Variants in ROBO2 observed in about 807,000 individuals in gnomAD.
ROBO2 encodes roundabout guidance receptor 2, also known as roundabout homolog 2.
ROBO2 carries 53 observed loss-of-function variants against 160.8 expected under a neutral mutation model. That is an observed-to-expected ratio of 0.33 (90% confidence interval 0.26 to 0.41). The LOEUF (loss-of-function observed/expected upper bound fraction) is 0.41. Among genes scored for constraint, ROBO2 ranks in the 10% least tolerant of loss-of-function variants. The pLI, the probability that ROBO2 is intolerant of heterozygous loss-of-function variation, is 1.00. For synonymous variants in ROBO2, 664 were observed against 611.7 expected (o/e 1.09, Z -1.26); for missense variants, 1,577 against 1,722.4 (o/e 0.92, Z 1.49).
At chr3:77,408,356 T>C (rs2076426381) in intron 2 of ROBO2, among the ~76,000 whole-genome samples, 2 of 152,178 alleles carry the variant, frequency 1.3e-5, no homozygotes, top group Non-Finnish European at 1.5e-5. Flanking sequence ...CCTTGTTGTT[T>C]CTCTAAGTTG....
At chr3:76,824,937 G>C (rs531375172) in intron 2 of ROBO2, among the ~76,000 whole-genome samples, 1 of 152,264 alleles carries the variant, frequency 6.6e-6, no homozygotes, top group East Asian at 1.9e-4. Flanking sequence ...GAAGTCACCT[G>C]CTGGTCCCAA....
At chr3:76,549,917 T>C (rs2083318232) in intron 2 of ROBO2, among the ~76,000 whole-genome samples, 1 of 152,210 alleles carries the variant, frequency 6.6e-6, no homozygotes, top group Non-Finnish European at 1.5e-5. Flanking sequence ...CCTCTTACTG[T>C]AAAGATGATT....
At chr3:76,173,212 A>G (rs2073107303) in intron 2 of ROBO2, among the ~76,000 whole-genome samples, 1 of 145,300 alleles carries the variant, frequency 6.9e-6, no homozygotes, top group Non-Finnish European at 1.5e-5. Context: ...GGTAATATAT[A>G]TGTGTGTGAG....
At chr3:76,192,338 C>T (rs1197378061) in intron 2 of ROBO2, among the ~76,000 whole-genome samples, 1 of 151,950 alleles carries the variant, frequency 6.6e-6, no homozygotes, top group African/African-American at 2.4e-5. Flanking sequence ...TCTAAAGTTA[C>T]TATTCCCATC....
intron 2 of ROBO2, among the ~76,000 whole-genome samples, chr3:77,446,134 TTC>T (rs1314399501): frequency 6.6e-6 from 1 of 152,052 alleles, no homozygotes; most frequent in Non-Finnish European, 1.5e-5. Context: ...GTATTGATTT[TTC>T]TCTGTCTCTC....
intron 2 of ROBO2, among the ~76,000 whole-genome samples, chr3:77,135,951 T>C (rs1255645520): frequency 6.6e-6 from 1 of 152,194 alleles, no homozygotes; most frequent in Non-Finnish European, 1.5e-5. Context: ...AAACTTTCCA[T>C]GTAGCATGTT....
chr3:76,382,021 C>T (rs1216143989), intron 2 of ROBO2, among the ~76,000 whole-genome samples: 2 of 151,970 alleles, frequency 1.3e-5, no homozygotes, highest in Non-Finnish European at 2.9e-5. Flanking sequence ...ACTCAGTTGC[C>T]CAGGCTGCAG....
intron 2 of ROBO2, among the ~76,000 whole-genome samples, chr3:76,815,021 T>C (rs764026982): frequency 2.0e-5 from 3 of 152,030 alleles, no homozygotes; most frequent in Non-Finnish European, 4.4e-5. Context: ...GAAACATGAA[T>C]TGTTAGTATA....
intron 1 of ROBO2, among the ~76,000 whole-genome samples, chr3:75,913,715 A>T (rs527588016): frequency 3.3e-5 from 5 of 152,216 alleles, no homozygotes; most frequent in Non-Finnish European, 5.9e-5. Flanking sequence ...ATAGAACGTT[A>T]TCTTCCATAT....
At chr3:77,505,635 T>C (rs1011071268) in intron 5 of ROBO2, among the ~76,000 whole-genome samples, 6 of 152,162 alleles carry the variant, frequency 3.9e-5, no homozygotes, top group Non-Finnish European at 8.8e-5. Flanking sequence ...TTCCTAATTC[T>C]GGAGGTGTTA....
chr3:77,099,129 T>C (rs536789667), intron 2 of ROBO2, among the ~76,000 whole-genome samples: 1 of 142,626 alleles, frequency 7.0e-6, no homozygotes, highest in South Asian at 2.4e-4. Flanking sequence ...CGGAGTGCAA[T>C]GGCGCGATCT....
At chr3:76,595,070 A>C (rs1292260249) in intron 2 of ROBO2, among the ~76,000 whole-genome samples, 1 of 151,932 alleles carries the variant, frequency 6.6e-6, no homozygotes, top group Non-Finnish European at 1.5e-5. Flanking sequence ...ACATGGAGAA[A>C]ACAGCCCTTT....
At chr3:77,013,583 C>A (rs2062045107) in intron 2 of ROBO2, among the ~76,000 whole-genome samples, 1 of 151,984 alleles carries the variant, frequency 6.6e-6, no homozygotes, top group African/African-American at 2.4e-5. Context: ...TAGAAACAGC[C>A]TAGATAATGC....
chr3:76,411,758 G>A (rs1400017840), intron 2 of ROBO2, among the ~76,000 whole-genome samples: 1 of 152,136 alleles, frequency 6.6e-6, no homozygotes, highest in Admixed American at 6.5e-5. Context: ...AGCCTAAAGT[G>A]TTTAACTCTT....
At chr3:76,119,322 A>T (rs1445070256) in intron 2 of ROBO2, among the ~76,000 whole-genome samples, 1 of 151,968 alleles carries the variant, frequency 6.6e-6, no homozygotes, top group East Asian at 1.9e-4. Flanking sequence ...AAAACAGTAG[A>T]ACATTATGTT....
intron 2 of ROBO2, among the ~76,000 whole-genome samples, chr3:77,234,886 G>C (rs2087726826): frequency 6.6e-6 from 1 of 152,168 alleles, no homozygotes; most frequent in Admixed American, 6.5e-5. Flanking sequence ...TAATGCTCAG[G>C]TGGGTGATGC....
At chr3:77,061,232 A>G (rs952800353) in intron 1 of ROBO2, among the ~76,000 whole-genome samples, 2 of 152,182 alleles carry the variant, frequency 1.3e-5, no homozygotes, top group African/African-American at 4.8e-5. Flanking sequence ...TTTAAAAGTC[A>G]TTTATTAGGA....
chr3:76,975,240 C>T (rs1284708662), intron 2 of ROBO2, among the ~76,000 whole-genome samples: 1 of 152,146 alleles, frequency 6.6e-6, no homozygotes, highest in Admixed American at 6.5e-5. Context: ...TGTGGTGGCT[C>T]ACATCTGTAA....
chr3:76,990,867 A>G (rs1172455363), intron 2 of ROBO2, among the ~76,000 whole-genome samples: 1 of 152,178 alleles, frequency 6.6e-6, no homozygotes, highest in Non-Finnish European at 1.5e-5. Flanking sequence ...GAATATCTCA[A>G]GTGAGCATGC....
Sources: gnomAD v4.1 joint callset for allele counts (sites outside exome capture counted in the v4.1 genomes callset) on GRCh38, gnomAD v4.1.1 for gene constraint, MANE v1.5 for transcripts, NCBI Gene and HGNC (gene_info 2026-07-23, HGNC 2026-07-21) for gene names.